CAPN9: variants seen among roughly 807,000 people sequenced by gnomAD.
The protein encoded by CAPN9 is calpain 9.
CAPN9 carries 81 observed loss-of-function variants against 92.8 expected under a neutral mutation model. The observed-to-expected ratio is 0.87, with a 90% CI of 0.73 to 1.05. The LOEUF (loss-of-function observed/expected upper bound fraction) is 1.05. Ranked by LOEUF, CAPN9 falls within the 50% of genes least tolerant of loss-of-function variation. The pLI is 0.00. For missense variants in CAPN9, 848 were observed against 866.2 expected, an observed-to-expected ratio of 0.98 and a Z score of 0.26; for synonymous variants, 304 against 328.0, an observed-to-expected ratio of 0.93 and a Z score of 0.79.
In CAPN9 at chr1:230,798,161, G is replaced by T; in HGVS notation, c.1988-1G>T. On this transcript the variant is annotated splice_acceptor_variant, in intron 18 of 19. Transcript: ENST00000271971. LOFTEE classifies it high-confidence loss of function. ...TGCCTTTCCCCCTTCTCTCCTATCA[G>T]GGGTGTTCCAGGCTCTCAGTACAAA... 6.2e-7 allele frequency: 1 copy of T among 1,606,316 alleles called. No homozygotes were observed. Among genetic ancestry groups the T allele is most frequent in the Non-Finnish European group, 8.5e-7 (1 of 1,172,850 alleles).
chr1:230,801,776 T>C lies in CAPN9; in HGVS notation c.*180T>C. On this transcript the variant is annotated 3_prime_UTR_variant, in exon 20 of 20. Coordinates refer to ENST00000271971, the MANE Select transcript of CAPN9 (RefSeq NM_006615.3). Reference sequence around the variant, plus strand: ...TGAACTCAGCTACACTCTCTGATTTTGTGCTACTCCTTTGTAAAGTCACTG... The same window carrying C: ...TGAACTCAGCTACACTCTCTGATTTCGTGCTACTCCTTTGTAAAGTCACTG... 1 of 656,954 alleles carries C rather than the reference T, an allele frequency of 1.5e-6. No homozygotes were observed. Among genetic ancestry groups the C allele is most frequent in the Non-Finnish European group, 2.7e-6 (1 of 364,352 alleles). 40.7% of individuals were successfully genotyped at this position (656,954 alleles called of 1,614,324 possible).
At position 230,781,992 on chromosome 1, in the gene CAPN9, G is replaced by A. The variant is rs557856406; in HGVS notation, c.1481+1284G>A. 1.8e-4 allele frequency among the ~76,000 whole-genome samples: 28 copies of A among 152,316 alleles called. 1 individual carries two copies. Among genetic ancestry groups the A allele is most frequent in the African/African-American group, 6.5e-4 (27 of 41,580 alleles). ...CTCCCAGATACTAGTACAAGATGGG[G>A]ATGAATATCCTAGTATCTGTTCACA... On this transcript the variant is annotated intron_variant, in intron 11 of 19. Transcript: ENST00000271971.
At chr1:230,784,633 C>G (rs1339708476) in intron 11 of CAPN9, among the ~76,000 whole-genome samples, 1 of 152,252 alleles carries the variant, frequency 6.6e-6, no homozygotes, top group Non-Finnish European at 1.5e-5. Flanking sequence ...ACACAGAGTG[C>G]AAGACTGAAT....
chr1:230,783,247 A>T (rs1667349336), intron 11 of CAPN9, among the ~76,000 whole-genome samples: 1 of 152,248 alleles, frequency 6.6e-6, no homozygotes, highest in Non-Finnish European at 1.5e-5. Flanking sequence ...GTTAAAGTAC[A>T]TTAAAGAAAT....
At chr1:230,774,898 C>T (rs188212384) in intron 8 of CAPN9, among the ~76,000 whole-genome samples, 147 of 152,098 alleles carry the variant, frequency 9.7e-4, no homozygotes, top group Middle Eastern at 6.8e-3. Context: ...TGCGCCACCA[C>T]GCCCGACTCA....
At chr1:230,751,557 G>GGAGAGA (rs1664771929) in intron 1 of CAPN9, among the ~76,000 whole-genome samples, 3 of 144,514 alleles carry the variant, frequency 2.1e-5, no homozygotes, top group African/African-American at 5.2e-5. Flanking sequence ...AAGAAAGGAA[G>GGAGAGA]AAGAGAAAGA....
At chr1:230,766,745 C>T (rs533210405) in intron 4 of CAPN9, among the ~76,000 whole-genome samples, 1 of 152,258 alleles carries the variant, frequency 6.6e-6, no homozygotes, top group African/African-American at 2.4e-5. Context: ...GAAAGACATT[C>T]AATTGGACTC....
At chr1:230,768,009 A>G (rs963742439) in intron 5 of CAPN9, among the ~76,000 whole-genome samples, 15 of 132,134 alleles carry the variant, frequency 1.1e-4, no homozygotes, top group African/African-American at 4.4e-4. Flanking sequence ...AACTTAAAGT[A>G]TAATAAATAA....
chr1:230,772,436 G>A (rs1666443331), intron 7 of CAPN9, among the ~76,000 whole-genome samples: 2 of 152,162 alleles, frequency 1.3e-5, no homozygotes, highest in African/African-American at 4.8e-5. Flanking sequence ...ACTCCAGTAA[G>A]CAGTGTGCAT....
Position 230,755,398 on chromosome 1 carries a change from G to A in CAPN9, c.275G>A (p.Gly92Glu), listed in dbSNP as rs1438995172. Residue 92 changes from glycine to glutamate, a missense_variant, in exon 2 of 20, where the codon GGA (glycine) becomes GAA (glutamate). Transcript: ENST00000271971. ...GCCACCAGGACTGATATCTGCCAGG[G>A]AGAGCTGGGTGAGTGTAAGTGGATG... ...GGATRTDICQ[G>E]ELGDCWLLAA... The A allele has an allele frequency of 3.7e-6, 6 of 1,606,670 alleles. No individual in the cohort carries two copies. In the African/African-American group the frequency reaches 6.7e-5, roughly 18 times the overall value.
intron 4 of CAPN9, 120 bp downstream of exon 4, chr1:230,762,906 G>A: frequency 1.8e-6 from 2 of 1,082,798 alleles, no homozygotes; most frequent in Non-Finnish European, 2.6e-6. Context: ...GTGAGGCTCG[G>A]CAGGACCCAA....
intron 2 of CAPN9, among the ~76,000 whole-genome samples, chr1:230,756,515 G>A (rs1665237121): frequency 6.6e-6 from 1 of 152,136 alleles, no homozygotes; most frequent in African/African-American, 2.4e-5. Context: ...GTAAATACAT[G>A]GATGGATGGG....
intron 19 of CAPN9, among the ~76,000 whole-genome samples, chr1:230,801,288 T>G (rs939023093): frequency 2.0e-5 from 3 of 152,172 alleles, no homozygotes; most frequent in Admixed American, 1.3e-4. Context: ...GAGGCTGTCC[T>G]CTTAACAGGG....
In CAPN9 at chr1:230,755,435, G is replaced by A. The variant is rs28359597; in HGVS notation, c.283+29G>A. 4,687 of 1,552,756 alleles carry A rather than the reference G, an allele frequency of 3.0e-3. 128 individuals are homozygous for A. In the African/African-American group the frequency reaches 0.054, roughly 18 times the overall value. ...AGTGTAAGTGGATGGAGCATGGCGA[G>A]AGGGAGGTTGAGTCACTGGGACAGG... is the stretch of plus-strand genomic sequence containing the variant. On this transcript the variant is annotated intron_variant, in intron 2 of 19. Transcript: ENST00000271971.
rs1572013859 is a variant in CAPN9 at position 230,755,370 on chromosome 1, G to A, written c.247G>A (p.Gly83Arg). ...IVKNPEFILG[G>R]ATRTDICQGE... ...GAAAAACCCAGAATTCATTCTTGGA[G>A]GGGCCACCAGGACTGATATCTGCCA... Residue 83 changes from glycine to arginine, a missense_variant, in exon 2 of 20, where the codon GGG becomes AGG. Coordinates refer to ENST00000271971, the MANE Select transcript of CAPN9 (RefSeq NM_006615.3). The A allele has an allele frequency of 6.2e-7, 1 of 1,610,524 alleles. No individual in the cohort carries two copies. The highest frequency in any genetic ancestry group is 8.5e-7 in the Non-Finnish European group (1 of 1,178,544).
At chr1:230,772,182 G>A in intron 7 of CAPN9, 83 bp downstream of exon 7, 1 of 1,136,882 alleles carries the variant, frequency 8.8e-7, no homozygotes, top group Non-Finnish European at 1.3e-6. Flanking sequence ...GTGAAGGAGT[G>A]GCCTGTCTAC....
rs114810479 is a variant in CAPN9, at chr1:230,759,317, T to C, written c.284-195T>C. Among the ~76,000 whole-genome samples the C allele has an allele frequency of 6.3e-3, 957 of 152,346 alleles. 6 individuals are homozygous for C. The highest frequency in any genetic ancestry group is 0.021 in the African/African-American group (860 of 41,580). On this transcript the variant is annotated intron_variant, in intron 2 of 19. Coordinates refer to ENST00000271971, the MANE Select transcript of CAPN9 (RefSeq NM_006615.3). ...CCAAGAAGGCAACAGCTGTTTATGA[T>C]AGACGGGCAGAGAAGAGCAGGCAAG...
chr1:230,753,277 G>T (rs1045624506), intron 1 of CAPN9, among the ~76,000 whole-genome samples: 5 of 152,146 alleles, frequency 3.3e-5, no homozygotes, highest in African/African-American at 7.2e-5. Context: ...TACTTCTGCC[G>T]GGCCTGGGGT....
At position 230,759,616 on chromosome 1, in the gene CAPN9, A is replaced by T. The variant is rs995530212; in HGVS notation, c.388A>T (p.Ile130Leu). The T allele has an allele frequency of 1.3e-5, 21 of 1,605,328 alleles. No individual in the cohort carries two copies. Among genetic ancestry groups the T allele is most frequent in the Middle Eastern group, 1.8e-4 (1 of 5,524 alleles). The change falls in exon 3 of 20, where the codon ATA (isoleucine) becomes TTA (leucine). Residue 130 changes from isoleucine (I) to leucine (L), a missense_variant. By Grantham distance (5) the Ile-to-Leu change is conservative. Coordinates refer to ENST00000271971, the MANE Select transcript of CAPN9 (RefSeq NM_006615.3). ...AAGCTTTGGCCCTGGTTATGCCGGG[A>T]TATTCCATTTCCAGGTAAGAGGGAG... ...DQSFGPGYAG[I>L]FHFQFWQHSE...
Sources: allele counts gnomAD v4.1 joint callset (sites outside exome capture counted in the v4.1 genomes callset), GRCh38; gene constraint gnomAD v4.1.1; transcripts MANE v1.5; gene names NCBI Gene and HGNC (gene_info 2026-07-23, HGNC 2026-07-21).